ASMT: variants seen among roughly 807,000 people sequenced by gnomAD.
ASMT encodes the protein acetylserotonin N-methyltransferase.
In ASMT, 53 loss-of-function variants were observed where a neutral mutation model predicts 41.3. That is an observed-to-expected ratio of 1.28 (90% CI 1.03 to 1.61). The LOEUF (loss-of-function observed/expected upper bound fraction) is 1.61. Among genes scored for constraint, ASMT ranks in the 40% most tolerant of loss-of-function variants. ASMT has a pLI of 0.00. For synonymous variants in ASMT, 231 were observed against 184.8 expected (o/e 1.25, Z -2.03); for missense variants, 531 against 441.3 (o/e 1.20, Z -1.82).
In ASMT at chrX:1,620,317, G is replaced by A. The variant is rs1222898489; in HGVS notation, c.70-2822G>A. Among the ~76,000 whole-genome samples, 21 of 151,056 alleles carry A rather than the reference G, an allele frequency of 1.4e-4. 1 individual carries two copies. The highest frequency in any genetic ancestry group is 2.2e-4 in the African/African-American group (9 of 41,302). ...CTCCCGAATAGGTGGGATTACAGGCGTGCACCACCATGCCTACTTTTTGTA... is the reference window on the plus strand; with the variant it reads ...CTCCCGAATAGGTGGGATTACAGGCATGCACCACCATGCCTACTTTTTGTA... On this transcript the variant is annotated intron_variant, in intron 1 of 8. Coordinates refer to ENST00000381241, the MANE Select transcript of ASMT (RefSeq NM_001171038.2).
At chrX:1,619,346 A>G (rs1208498129) in intron 1 of ASMT, among the ~76,000 whole-genome samples, 1 of 150,288 alleles carries the variant, frequency 6.7e-6, no homozygotes, top group Non-Finnish European at 1.5e-5. Context: ...GTGAGCCGAG[A>G]TCACGCCACT....
intron 1 of ASMT, among the ~76,000 whole-genome samples, chrX:1,619,140 A>C (rs762183169): frequency 3.3e-5 from 5 of 152,272 alleles, no homozygotes; most frequent in African/African-American, 7.2e-5. Flanking sequence ...TCACGCCTGT[A>C]ATCCCAGCAC....
intron 1 of ASMT, among the ~76,000 whole-genome samples, chrX:1,615,561 G>A: frequency 6.6e-6 from 1 of 152,170 alleles, no homozygotes; most frequent in South Asian, 2.1e-4. Flanking sequence ...CCAGCACTTT[G>A]GGAGGCTGAG....
chrX:1,617,395 G>A (rs1248301219), intron 1 of ASMT, among the ~76,000 whole-genome samples: 15 of 148,830 alleles, frequency 1.0e-4, no homozygotes, highest in East Asian at 8.5e-4. Flanking sequence ...GCTTGAACCC[G>A]GAGGAGGTAG....
In ASMT at chrX:1,633,194, G is replaced by A. The variant is rs1445302493; in HGVS notation, c.691G>A (p.Gly231Arg). The change falls in exon 7 of 9, where the codon GGA (glycine) becomes AGA (arginine). Residue 231 changes from glycine (G) to arginine (R), a missense_variant. Transcript: ENST00000381241. ...TAAGGAATGCATGTCTCTGTACCCT[G>A]GATGTAAGATCACCGTTTTTGACAT... ...LAKECMSLYP[G>R]CKITVFDIPE... 3.1e-6 allele frequency: 5 copies of A among 1,613,700 alleles called. No individual in the cohort carries two copies. The highest frequency in any genetic ancestry group is 4.2e-6 in the Non-Finnish European group (5 of 1,179,850).
chrX:1,619,276 A>C lies in ASMT; in HGVS notation c.70-3863A>C, dbSNP rs760681711. The stretch of plus-strand genomic sequence containing the variant: ...GGGCGTGGTGGCGGGCACCTGTAGT[A>C]CCAGCTACTTGGGAGGCTGAGGCAC... On this transcript the variant is annotated intron_variant, in intron 1 of 8. Transcript: ENST00000381241. 9.3e-5 allele frequency among the ~76,000 whole-genome samples: 14 copies of C among 151,324 alleles called. No homozygotes were observed. The East Asian group carries it at 2.5e-3, about 27-fold the overall frequency.
rs1169518250 is a variant in ASMT, at chrX:1,615,146, C to T, written c.-54C>T. 120 of 1,524,170 alleles carry T rather than the reference C, an allele frequency of 7.9e-5. 1 individual carries two copies. Among genetic ancestry groups the T allele is most frequent in the Middle Eastern group, 6.8e-4 (4 of 5,874 alleles). The allele number at this position is 1,524,170 out of a possible 1,614,324, so 94.4% of individuals were successfully genotyped here. A position where few individuals can be genotyped will look rare whatever the true frequency, so the allele number is the denominator to read the frequency against. Reference sequence around the variant, plus strand: ...CCACCTTGCCAGCAGGCTCTGTGCTCCTTGAAGCAAGCGCTCCAGAGGCTC... The same window carrying T: ...CCACCTTGCCAGCAGGCTCTGTGCTTCTTGAAGCAAGCGCTCCAGAGGCTC... On this transcript the variant is annotated 5_prime_UTR_variant, in exon 1 of 9. Coordinates refer to ENST00000381241, the MANE Select transcript of ASMT (RefSeq NM_001171038.2).
rs1302204970 is a variant in ASMT, at chrX:1,632,788, G to A, written c.646+1G>A. ...AAACACCGCGTGTTCTCACTCATAG[G>A]TGGGAACTGAACAATGAGACCACAT... is the stretch of plus-strand genomic sequence containing the variant. On this transcript the variant is annotated splice_donor_variant, in intron 6 of 8. Coordinates refer to ENST00000381241, the MANE Select transcript of ASMT (RefSeq NM_001171038.2). LOFTEE classifies it high-confidence loss of function. 9.7e-6 allele frequency: 4 copies of A among 412,984 alleles called. No homozygotes were observed. The highest frequency in any genetic ancestry group is 1.4e-5 in the Non-Finnish European group (3 of 220,500). 25.6% of individuals were successfully genotyped at this position (412,984 alleles called of 1,614,324 possible).
chrX:1,626,338 G>C (rs1211113877), intron 3 of ASMT, among the ~76,000 whole-genome samples: 1 of 150,136 alleles, frequency 6.7e-6, no homozygotes, highest in Non-Finnish European at 1.5e-5. Flanking sequence ...GGGTTTAAGT[G>C]ATTCACCTGC....
rs1477324329 is a variant in ASMT at position 1,637,148 on chromosome X, G to A, written c.910+588G>A. On this transcript the variant is annotated intron_variant, in intron 8 of 8. Transcript: ENST00000381241. ...CATCCTGATGCTTCACGAGGACGTG[G>A]GCACAGCCTCTGTGTATGATGGGGA... Among the ~76,000 whole-genome samples, 14 of 90,660 alleles carry A rather than the reference G, an allele frequency of 1.5e-4. No individual in the cohort carries two copies. In the East Asian group the frequency reaches 1.9e-3, roughly 12 times the overall value. 59.5% of individuals were successfully genotyped at this position (90,660 alleles called of 152,430 possible).
chrX:1,629,623 C>A (rs749842846), intron 4 of ASMT, among the ~76,000 whole-genome samples, 198 bp from the exon 5 acceptor site: 6 of 152,304 alleles, frequency 3.9e-5, no homozygotes, highest in Non-Finnish European at 7.4e-5. Flanking sequence ...CTCCAGGTTT[C>A]CCGGAGCTGG....
At chrX:1,623,391 C>G in intron 2 of ASMT, 78 bp downstream of exon 2, 1 of 1,551,824 alleles carries the variant, frequency 6.4e-7, no homozygotes, top group East Asian at 2.3e-5. Flanking sequence ...AAAAGTGAAA[C>G]AGTCTCCATC....
chrX:1,634,213 A>T (rs1289431865), intron 7 of ASMT, among the ~76,000 whole-genome samples: 1 of 152,204 alleles, frequency 6.6e-6, no homozygotes, highest in East Asian at 1.9e-4. Flanking sequence ...AAGAATACAG[A>T]TGCATATCAG....
At chrX:1,624,626 C>T (rs1266922284) in intron 3 of ASMT, among the ~76,000 whole-genome samples, 1 of 117,048 alleles carries the variant, frequency 8.5e-6, no homozygotes, top group South Asian at 2.8e-4. Flanking sequence ...GTGGTGGCTG[C>T]ACCCAGGCAG....
At chrX:1,636,671 C>T (rs1934978392) in intron 8 of ASMT, 111 bp downstream of exon 8, 4 of 1,533,488 alleles carry the variant, frequency 2.6e-6, no homozygotes, top group Non-Finnish European at 3.6e-6. Context: ...GGGTAGACAT[C>T]CTGCCCAATA....
intron 2 of ASMT, among the ~76,000 whole-genome samples, chrX:1,623,906 C>T (rs1156313005): frequency 6.6e-6 from 1 of 152,128 alleles, no homozygotes; most frequent in Non-Finnish European, 1.5e-5. Context: ...GCCTCGGCCT[C>T]CCTAAGCGCT....
At chrX:1,620,320 C>CA (rs1934295105) in intron 1 of ASMT, among the ~76,000 whole-genome samples, 1 of 151,190 alleles carries the variant, frequency 6.6e-6, no homozygotes, top group South Asian at 2.1e-4. Flanking sequence ...TACAGGCGTG[C>CA]ACCACCATGC....
intron 5 of ASMT, among the ~76,000 whole-genome samples, chrX:1,632,403 G>A (rs759989450): frequency 5.9e-5 from 9 of 152,300 alleles, no homozygotes; most frequent in Non-Finnish European, 1.3e-4. Flanking sequence ...TGTCATCCCA[G>A]CACTTTGGGA....
rs769883055 is a variant in ASMT, at chrX:1,642,903, G to T, written c.1011G>T (p.Gly337=). Residue 337 remains glycine (G), a synonymous_variant, in exon 9 of 9, where the codon GGG becomes GGT. Coordinates refer to ENST00000381241, the MANE Select transcript of ASMT (RefSeq NM_001171038.2). ...TGAACATGCTTGTGCAGACGGAAGG[G>T]CAGGAGAGGACCCCCACCCACTACC... ...YSLNMLVQTE[G]QERTPTHYHM... 7.4e-6 allele frequency: 12 copies of T among 1,613,978 alleles called. No homozygotes were observed. In the South Asian group the frequency reaches 1.3e-4, roughly 18 times the overall value.
Sources: gnomAD v4.1 joint callset for allele counts (sites outside exome capture counted in the v4.1 genomes callset) on GRCh38, gnomAD v4.1.1 for gene constraint, MANE v1.5 for transcripts, NCBI Gene and HGNC (gene_info 2026-07-23, HGNC 2026-07-21) for gene names.